The following FHOD3 variants were observed in gnomAD, a reference collection of about 807,000 sequenced individuals.
The protein encoded by FHOD3 is FH1/FH2 domain-containing protein 3.
In FHOD3, 90 loss-of-function variants were observed where a neutral mutation model predicts 173.0. That is an observed-to-expected ratio of 0.52 (90% CI 0.44 to 0.62). The LOEUF (loss-of-function observed/expected upper bound fraction) is 0.62. FHOD3 is among the 20% of genes least tolerant of loss of function. The pLI is 0.00. For synonymous variants in FHOD3, 828 were observed against 823.0 expected (o/e 1.01, Z -0.10); for missense variants, 1,945 against 2,034.7 (o/e 0.96, Z 0.85).
intron 22 of FHOD3, 152 bp from the exon 23 acceptor site, chr18:36,743,880 A>C: frequency 1.2e-6 from 1 of 816,714 alleles, no homozygotes; most frequent in Non-Finnish European, 2.0e-6. Context: ...ATGTGTGATC[A>C]GCCATGGATC....
chr18:36,387,564 G>T (rs1000637512), intron 3 of FHOD3, among the ~76,000 whole-genome samples: 2 of 152,174 alleles, frequency 1.3e-5, no homozygotes, highest in Non-Finnish European at 2.9e-5. Flanking sequence ...GTTAAGTGCT[G>T]TAAAGGAAAT....
At chr18:36,554,394 C>T (rs2147440167) in intron 5 of FHOD3, among the ~76,000 whole-genome samples, 1 of 151,030 alleles carries the variant, frequency 6.6e-6, no homozygotes, top group Non-Finnish European at 1.5e-5. Flanking sequence ...GGACAAAAAA[C>T]CAAACACTGC....
intron 27 of FHOD3, 108 bp downstream of exon 27, chr18:36,760,890 TC>T: frequency 8.3e-7 from 1 of 1,206,278 alleles, no homozygotes; most frequent in Non-Finnish European, 1.1e-6. Context: ...GGCCCTCGGC[TC>T]CAGTGCCAAC....
At chr18:36,580,400 C>T (rs2058806032) in intron 6 of FHOD3, among the ~76,000 whole-genome samples, 1 of 152,194 alleles carries the variant, frequency 6.6e-6, no homozygotes, top group South Asian at 2.1e-4. Flanking sequence ...ATAATGAGGA[C>T]AAGAGAGTGG....
chr18:36,519,261 C>T (rs2146522447), intron 5 of FHOD3, among the ~76,000 whole-genome samples: 1 of 152,350 alleles, frequency 6.6e-6, no homozygotes, highest in South Asian at 2.1e-4. Flanking sequence ...CCACAGGATA[C>T]TGTGTCCTTG....
intron 1 of FHOD3, among the ~76,000 whole-genome samples, chr18:36,302,959 T>C (rs1383486115): frequency 6.6e-6 from 1 of 152,214 alleles, no homozygotes; most frequent in Admixed American, 6.5e-5. Context: ...TTGGCTTTGT[T>C]TCATGCATGG....
At chr18:36,641,592 G>A (rs1256358635) in intron 10 of FHOD3, among the ~76,000 whole-genome samples, 7 of 152,088 alleles carry the variant, frequency 4.6e-5, no homozygotes, top group Admixed American at 2.0e-4. Flanking sequence ...TTCCCTCACT[G>A]GTCTGTAATC....
chr18:36,707,913 C>T (rs922534730), intron 17 of FHOD3, among the ~76,000 whole-genome samples: 48 of 152,080 alleles, frequency 3.2e-4, no homozygotes, highest in African/African-American at 1.1e-3. Flanking sequence ...TGCCAGGGTT[C>T]CAGAAGAGTG....
chr18:36,774,072 C>G (rs930505460), intron 28 of FHOD3, among the ~76,000 whole-genome samples: 4 of 152,206 alleles, frequency 2.6e-5, no homozygotes, highest in African/African-American at 9.6e-5. Flanking sequence ...TAGATTGTCC[C>G]AGAAAACAAT....
chr18:36,758,742 T>A (rs2042738321), intron 25 of FHOD3, among the ~76,000 whole-genome samples: 1 of 152,146 alleles, frequency 6.6e-6, no homozygotes, highest in Non-Finnish European at 1.5e-5. Flanking sequence ...TTCATAAGGA[T>A]GTGGCCAGCC....
At chr18:36,317,085 T>G (rs1251208007) in intron 1 of FHOD3, among the ~76,000 whole-genome samples, 1 of 152,168 alleles carries the variant, frequency 6.6e-6, no homozygotes, top group Non-Finnish European at 1.5e-5. Context: ...AGTATTCCAT[T>G]GTGTATATGT....
At chr18:36,449,018 G>A (rs1441121564) in intron 3 of FHOD3, among the ~76,000 whole-genome samples, 1 of 151,734 alleles carries the variant, frequency 6.6e-6, no homozygotes, top group African/African-American at 2.4e-5. Context: ...GGGAGTGATA[G>A]AAAGGACTCT....
At chr18:36,572,451 C>T (rs187603464) in intron 5 of FHOD3, among the ~76,000 whole-genome samples, 52 of 152,080 alleles carry the variant, frequency 3.4e-4, no homozygotes, top group Admixed American at 2.3e-3. Flanking sequence ...GTGTCTGGAG[C>T]GGTTTACAGG....
intron 19 of FHOD3, among the ~76,000 whole-genome samples, chr18:36,728,516 A>G (rs941226805): frequency 6.6e-6 from 1 of 151,708 alleles, no homozygotes; most frequent in African/African-American, 2.4e-5. Context: ...AAAGCTGACA[A>G]CTCTACCCAC....
At chr18:36,404,559 G>C (rs1049819393) in intron 3 of FHOD3, among the ~76,000 whole-genome samples, 12 of 152,240 alleles carry the variant, frequency 7.9e-5, no homozygotes, top group African/African-American at 2.4e-4. Flanking sequence ...TCAAATGCCA[G>C]TGTGCAGATG....
chr18:36,420,528 A>T (rs540304673), intron 3 of FHOD3, among the ~76,000 whole-genome samples: 2 of 152,342 alleles, frequency 1.3e-5, no homozygotes, highest in South Asian at 4.1e-4. Context: ...TGAGGATCTT[A>T]TATAAGCTAG....
At chr18:36,539,084 T>A (rs1390430) in intron 5 of FHOD3, among the ~76,000 whole-genome samples, 1 of 152,180 alleles carries the variant, frequency 6.6e-6, no homozygotes, top group Non-Finnish European at 1.5e-5. Flanking sequence ...TTATGTTGCT[T>A]AGCTTCTATA....
At chr18:36,641,287 A>G (rs2035287302) in intron 10 of FHOD3, among the ~76,000 whole-genome samples, 2 of 152,230 alleles carry the variant, frequency 1.3e-5, no homozygotes, top group African/African-American at 2.4e-5. Context: ...GAAGCTTGAT[A>G]TATCAGTAGA....
At chr18:36,747,268 A>T (rs151171200) in intron 24 of FHOD3, 133 bp downstream of exon 24, 218 of 554,468 alleles carry the variant, frequency 3.9e-4, no homozygotes, top group African/African-American at 3.8e-3. Flanking sequence ...TACACTGATG[A>T]TACAGATGTT....
Sources: gnomAD v4.1 joint callset for allele counts (sites outside exome capture counted in the v4.1 genomes callset) on GRCh38, gnomAD v4.1.1 for gene constraint, MANE v1.5 for transcripts, NCBI Gene and HGNC (gene_info 2026-07-23, HGNC 2026-07-21) for gene names.